TRA2B: variants seen among roughly 807,000 people sequenced by gnomAD.
The protein encoded by TRA2B is transformer 2 beta homolog.
TRA2B carries 14 observed loss-of-function variants against 41.7 expected under a neutral mutation model. The ratio of observed to expected loss-of-function variants is 0.34; its 90% CI spans 0.22 to 0.53. The LOEUF (loss-of-function observed/expected upper bound fraction) is 0.53, where lower values mean the gene tolerates loss of function less well. TRA2B is among the 20% of genes least tolerant of loss of function. The pLI is 0.95. For missense variants in TRA2B, 167 were observed against 396.8 expected (o/e 0.42, Z 4.92); for synonymous variants, 130 against 128.8 (o/e 1.01, Z -0.06).
At position 185,935,805 on chromosome 3, in the gene TRA2B, ACAAACACG is replaced by A. The variant is rs139436640; in HGVS notation, c.36+2012_36+2019del. On this transcript the variant is annotated intron_variant, in intron 1 of 8. Coordinates refer to ENST00000453386, the MANE Select transcript of TRA2B (RefSeq NM_004593.3). ...AACCCTTAAAGGTTCCAATTGGAAC[ACAAACACG>A]CAAACACCAAACACAACAATATGGA... is the stretch of plus-strand genomic sequence containing the variant. 2.9e-5 allele frequency: 29 copies of A among 985,448 alleles called. No individual in the cohort carries two copies. The East Asian group carries it at 2.2e-3, about 73-fold the overall frequency. The allele number at this position is 985,448 out of a possible 1,614,324, so 61.0% of individuals were successfully genotyped here. A position where few individuals can be genotyped will look rare whatever the true frequency, so the allele number is the denominator to read the frequency against.
chr3:185,935,785 T>A, intron 1 of TRA2B: 1 of 985,390 alleles, frequency 1.0e-6, no homozygotes, highest in Non-Finnish European at 1.2e-6. Context: ...ATTCCAACCC[T>A]TAAAGGTTCC....
At chr3:185,924,710 G>A (rs542667432) in intron 3 of TRA2B, 1 of 152,528 alleles carries the variant, frequency 6.6e-6, no homozygotes, top group East Asian at 1.9e-4. Flanking sequence ...TACTCAGGAG[G>A]CTGAGGTGGG....
At chr3:185,931,654 C>A in intron 1 of TRA2B, 1 of 1,282,166 alleles carries the variant, frequency 7.8e-7, no homozygotes, top group Non-Finnish European at 9.9e-7. Context: ...TCTTCCGTTT[C>A]AAATTCTGAC....
At chr3:185,931,533 G>T in intron 1 of TRA2B, 1 of 1,135,224 alleles carries the variant, frequency 8.8e-7, no homozygotes, top group Non-Finnish European at 1.1e-6. Context: ...ATGCATGCAT[G>T]TTTAGCAAAA....
intron 3 of TRA2B, 112 bp from the exon 4 acceptor site, chr3:185,924,096 G>A (rs2150114120): frequency 1.1e-6 from 1 of 907,922 alleles, no homozygotes; most frequent in Non-Finnish European, 1.6e-6. Context: ...AGTACATAAT[G>A]ATTAGACCAA....
rs543501172 is a variant in TRA2B, at chr3:185,920,565, A to T, written c.722+539T>A. On this transcript the variant is annotated intron_variant, in intron 6 of 8. Coordinates refer to ENST00000453386, the MANE Select transcript of TRA2B (RefSeq NM_004593.3). ...GCTTTCACTATGTATTCATTTATTT[A>T]TTTTTTTTTTTGAGTCTCTCGCTCT... Among the ~76,000 whole-genome samples the T allele has an allele frequency of 2.0e-3, 298 of 148,092 alleles. 1 individual carries two copies. Among genetic ancestry groups the T allele is most frequent in the Non-Finnish European group, 2.3e-3 (151 of 66,572 alleles).
At chr3:185,931,735 G>C in intron 1 of TRA2B, 1 of 1,457,730 alleles carries the variant, frequency 6.9e-7, no homozygotes, top group Non-Finnish European at 9.0e-7. Context: ...CTGATAATTA[G>C]CATGCATTCT....
intron 1 of TRA2B, chr3:185,935,853 T>C (rs182799565): frequency 6.2e-5 from 61 of 985,346 alleles, no homozygotes; most frequent in Admixed American, 1.2e-4. Flanking sequence ...TTTCACAACG[T>C]AAAAGTTTAG....
intron 6 of TRA2B, among the ~76,000 whole-genome samples, chr3:185,920,398 C>G (rs1743673198): frequency 6.6e-6 from 1 of 152,140 alleles, no homozygotes; most frequent in South Asian, 2.1e-4. Flanking sequence ...GGGGAGGAGA[C>G]TCAGGTGGGA....
chr3:185,921,745 C>G (rs150955540), intron 5 of TRA2B, among the ~76,000 whole-genome samples: 48 of 152,272 alleles, frequency 3.2e-4, no homozygotes, highest in African/African-American at 1.0e-3. Context: ...GCCTGGGCGA[C>G]AGAGCAAGAC....
chr3:185,928,982 A>T (rs1199721983), intron 1 of TRA2B: 1 of 152,240 alleles, frequency 6.6e-6, no homozygotes, highest in Non-Finnish European at 1.5e-5. Context: ...CTTAAAATCT[A>T]GCAGATCACA....
intron 3 of TRA2B, 99 bp downstream of exon 3, chr3:185,925,365 C>G: frequency 7.2e-7 from 1 of 1,388,774 alleles, no homozygotes; most frequent in Non-Finnish European, 9.8e-7. Flanking sequence ...ATTTCACTCA[C>G]GCACCAACTG....
intron 7 of TRA2B, 43 bp downstream of exon 7, chr3:185,919,394 G>A (rs945041567): frequency 2.0e-6 from 3 of 1,538,094 alleles, no homozygotes; most frequent in Admixed American, 1.9e-5. Context: ...TTTATGTGAA[G>A]CTTTATACTG....
chr3:185,935,590 T>A, intron 1 of TRA2B: 1 of 985,454 alleles, frequency 1.0e-6, no homozygotes, highest in Non-Finnish European at 1.2e-6. Flanking sequence ...TCCACTGATT[T>A]GAAGAGATTA....
intron 1 of TRA2B, 117 bp downstream of exon 1, chr3:185,937,708 C>T: frequency 7.0e-7 from 1 of 1,434,496 alleles, no homozygotes; most frequent in Non-Finnish European, 9.7e-7. Flanking sequence ...CCTGCCCTCC[C>T]GGCTTCAGAC....
In TRA2B at chr3:185,937,437, C is replaced by G. The variant is rs1291491320; in HGVS notation, c.36+388G>C. 1.8e-5 allele frequency: 19 copies of G among 1,032,370 alleles called. No individual in the cohort carries two copies. The Admixed American group carries it at 7.3e-4, about 40-fold the overall frequency. 64.0% of individuals were successfully genotyped at this position (1,032,370 alleles called of 1,614,324 possible). On this transcript the variant is annotated intron_variant, in intron 1 of 8. Transcript: ENST00000453386. Reference sequence around the variant, plus strand: ...GCGGCTTCTCCGCCATTTTGTGCCTCTGGCAGCTCGCCCAGCCCGCCAGCC... The same window carrying G: ...GCGGCTTCTCCGCCATTTTGTGCCTGTGGCAGCTCGCCCAGCCCGCCAGCC...
intron 7 of TRA2B, 28 bp from the exon 8 acceptor site, chr3:185,918,466 G>A: frequency 2.0e-6 from 3 of 1,509,124 alleles, no homozygotes; most frequent in Non-Finnish European, 2.8e-6. Context: ...GATTGTCTAA[G>A]TCTCAATAGA....
chr3:185,920,113 C>T (rs542405080), intron 6 of TRA2B, among the ~76,000 whole-genome samples: 3 of 152,162 alleles, frequency 2.0e-5, no homozygotes, highest in South Asian at 2.1e-4. Flanking sequence ...ACCCAAACCC[C>T]GAAATACCAA....
chr3:185,937,661 C>T (rs549394681), intron 1 of TRA2B, among the ~76,000 whole-genome samples, 164 bp downstream of exon 1: 2 of 152,324 alleles, frequency 1.3e-5, no homozygotes, highest in Non-Finnish European at 2.9e-5. Context: ...AGGCACTATC[C>T]ACAAAGGCTT....
Sources: allele counts gnomAD v4.1 joint callset (sites outside exome capture counted in the v4.1 genomes callset), GRCh38; gene constraint gnomAD v4.1.1; transcripts MANE v1.5; gene names NCBI Gene and HGNC (gene_info 2026-07-23, HGNC 2026-07-21).